PHIP: variants seen among roughly 807,000 people sequenced by gnomAD.
The protein encoded by PHIP is PHIP subunit of CUL4-Ring ligase complex.
A neutral mutation model predicts 236.8 loss-of-function variants in PHIP; 54 were observed. The observed-to-expected ratio is 0.23, with a 90% CI of 0.18 to 0.29. The LOEUF (loss-of-function observed/expected upper bound fraction) is 0.29, where lower values mean the gene tolerates loss of function less well. PHIP is among the 10% of genes least tolerant of loss of function. The pLI, the probability that PHIP is intolerant of heterozygous loss-of-function variation, is 1.00. For synonymous variants in PHIP, 756 were observed against 718.9 expected, an observed-to-expected ratio of 1.05 and a Z score of -0.83; for missense variants, 1,370 against 2,190.8, an observed-to-expected ratio of 0.63 and a Z score of 7.48.
chr6:79,068,787 T>C (rs1257661289), intron 4 of PHIP, among the ~76,000 whole-genome samples: 1 of 152,242 alleles, frequency 6.6e-6, no homozygotes, highest in East Asian at 1.9e-4. Context: ...TAACAACCTT[T>C]TCAAAGTGAT....
intron 24 of PHIP, among the ~76,000 whole-genome samples, chr6:78,978,288 A>G (rs1194305346): frequency 6.6e-6 from 1 of 152,088 alleles, no homozygotes; most frequent in Non-Finnish European, 1.5e-5. Context: ...CTTAAGATAA[A>G]TGAATATATT....
chr6:79,066,284 C>T (rs1467995621), intron 4 of PHIP, among the ~76,000 whole-genome samples: 1 of 152,138 alleles, frequency 6.6e-6, no homozygotes, highest in African/African-American at 2.4e-5. Context: ...ATTGGCTGCA[C>T]ACTGAATGCC....
At chr6:79,017,252 T>C (rs1378810890) in intron 12 of PHIP, 94 bp downstream of exon 12, 3 of 727,180 alleles carry the variant, frequency 4.1e-6, no homozygotes, top group Non-Finnish European at 6.7e-6. Context: ...AGGTAGGTGA[T>C]TATTTCCTAT....
chr6:78,985,743 T>C (rs1218320270), intron 21 of PHIP, among the ~76,000 whole-genome samples: 3 of 152,152 alleles, frequency 2.0e-5, no homozygotes, highest in African/African-American at 7.2e-5. Flanking sequence ...CTTGGGAGAC[T>C]GAGGCACGGA....
At chr6:79,042,305 C>T (rs1430502804) in intron 7 of PHIP, among the ~76,000 whole-genome samples, 1 of 151,864 alleles carries the variant, frequency 6.6e-6, no homozygotes, top group Non-Finnish European at 1.5e-5. Context: ...ATAAACAAAA[C>T]ATCAGATATT....
chr6:79,020,797 G>A (rs1771080994), intron 9 of PHIP, among the ~76,000 whole-genome samples: 1 of 152,176 alleles, frequency 6.6e-6, no homozygotes, highest in Non-Finnish European at 1.5e-5. Context: ...AGAGTGCAAT[G>A]GCACAATCTC....
chr6:79,065,764 CCACACACACA>C (rs58570604), intron 4 of PHIP, among the ~76,000 whole-genome samples: 266 of 143,472 alleles, frequency 1.9e-3, no homozygotes, highest in South Asian at 9.9e-3. Flanking sequence ...CTTAACTATA[CCACACACACA>C]CACACACACA....
chr6:78,937,220 G>GA lies in PHIP; in HGVS notation c.*3472dup, dbSNP rs1356375855. 6.6e-6 allele frequency: 1 copy of GA among 151,634 alleles called. No individual in the cohort carries two copies. The highest frequency in any genetic ancestry group is 1.5e-5 in the Non-Finnish European group (1 of 67,632). 9.4% of individuals were successfully genotyped at this position (151,634 alleles called of 1,614,324 possible). ...ATCCGTTTTCATTAGATAGAAAACT[G>GA]AAAAAGTTGCTTCTAGCTGACATTT... On this transcript the variant is annotated 3_prime_UTR_variant, in exon 40 of 40. Coordinates refer to ENST00000275034, the MANE Select transcript of PHIP (RefSeq NM_017934.7).
chr6:79,000,891 C>G (rs1292983216), intron 17 of PHIP, among the ~76,000 whole-genome samples: 1 of 151,996 alleles, frequency 6.6e-6, no homozygotes, highest in Non-Finnish European at 1.5e-5. Flanking sequence ...TTCTTCTCAC[C>G]CTCCATTCTA....
chr6:79,007,698 A>C (rs537347042), intron 15 of PHIP, among the ~76,000 whole-genome samples: 19 of 148,924 alleles, frequency 1.3e-4, no homozygotes, highest in African/African-American at 4.4e-4. Context: ...TCATTAGAAG[A>C]AAGCATCTTA....
At chr6:78,967,691 T>G (rs1412280014) in intron 27 of PHIP, among the ~76,000 whole-genome samples, 1 of 152,186 alleles carries the variant, frequency 6.6e-6, no homozygotes. Context: ...ATGAGAAAAT[T>G]ATGATGCTCA....
chr6:78,952,022 G>C (rs1051288109), intron 35 of PHIP, among the ~76,000 whole-genome samples: 1 of 151,980 alleles, frequency 6.6e-6, no homozygotes, highest in Non-Finnish European at 1.5e-5. Flanking sequence ...TTTTCTTTTT[G>C]ACTTTCAATT....
chr6:79,011,211 T>A (rs541575465), intron 15 of PHIP, among the ~76,000 whole-genome samples: 2 of 152,058 alleles, frequency 1.3e-5, no homozygotes, highest in Non-Finnish European at 2.9e-5. Flanking sequence ...ATACACTACT[T>A]GCTTCAGTAA....
chr6:78,963,085 T>C lies in PHIP; in HGVS notation c.3535+12A>G. 1 of 1,571,276 alleles carries C rather than the reference T, an allele frequency of 6.4e-7. No individual in the cohort carries two copies. The highest frequency in any genetic ancestry group is 8.6e-7 in the Non-Finnish European group (1 of 1,162,284). ...GCCAGTTTTTTCTATACTCGCGTGT[T>C]GCTTTACTTACCTAGTGTCATCAAC... On this transcript the variant is annotated intron_variant, in intron 30 of 39. Coordinates refer to ENST00000275034, the MANE Select transcript of PHIP (RefSeq NM_017934.7).
At chr6:79,036,594 C>T (rs961062472) in intron 7 of PHIP, among the ~76,000 whole-genome samples, 21 of 152,108 alleles carry the variant, frequency 1.4e-4, no homozygotes, top group African/African-American at 4.8e-4. Context: ...ACACACATAA[C>T]TCCATTACCA....
At chr6:78,961,536 A>T (rs531023283) in intron 31 of PHIP, among the ~76,000 whole-genome samples, 154 bp downstream of exon 31, 1 of 152,074 alleles carries the variant, frequency 6.6e-6, no homozygotes, top group African/African-American at 2.4e-5. Flanking sequence ...CCCACTCCAA[A>T]TCTACTGAAT....
At chr6:78,956,958 G>T (rs944729080) in intron 32 of PHIP, 2 of 151,830 alleles carry the variant, frequency 1.3e-5, no homozygotes, top group Non-Finnish European at 2.9e-5. Context: ...TTGAAATTTT[G>T]CCAAATAACT....
At chr6:79,076,850 TATC>T (rs1274536994) in intron 4 of PHIP, among the ~76,000 whole-genome samples, 5 of 152,066 alleles carry the variant, frequency 3.3e-5, no homozygotes, top group African/African-American at 1.2e-4. Context: ...ACTGACCAAC[TATC>T]ATCACACATC....
chr6:78,960,024 G>A (rs1486583319), intron 31 of PHIP, among the ~76,000 whole-genome samples: 1 of 152,066 alleles, frequency 6.6e-6, no homozygotes, highest in Non-Finnish European at 1.5e-5. Flanking sequence ...TCATGATCAC[G>A]TGGCTGACTG....
Sources: gnomAD v4.1 joint callset for allele counts (sites outside exome capture counted in the v4.1 genomes callset) on GRCh38, gnomAD v4.1.1 for gene constraint, MANE v1.5 for transcripts, NCBI Gene and HGNC (gene_info 2026-07-23, HGNC 2026-07-21) for gene names.